The following MOGAT1 variants were observed in gnomAD, a reference collection of about 807,000 sequenced individuals.
The protein encoded by MOGAT1 is 2-acylglycerol O-acyltransferase 1.
In MOGAT1, 32 loss-of-function variants were observed where a neutral mutation model predicts 31.4. That is an observed-to-expected ratio of 1.02 (90% CI 0.77 to 1.37). The LOEUF is 1.37. Ranked by LOEUF, MOGAT1 falls within the 40% of genes most tolerant of loss-of-function variation. The pLI, the probability that MOGAT1 is intolerant of heterozygous loss-of-function variation, is 0.00. For synonymous variants in MOGAT1, 145 were observed against 144.5 expected (o/e 1.00, Z -0.03); for missense variants, 426 against 402.0 (o/e 1.06, Z -0.51).
chr2:222,671,719 C>T lies in MOGAT1; in HGVS notation c.-67C>T. ...GGCCCGGATCCGGCCGGGCACTTCC[C>T]ACAGGCGCCGCAGAGCAGCGTGGGT... is the stretch of plus-strand genomic sequence containing the variant. On this transcript the variant is annotated 5_prime_UTR_variant, in exon 1 of 6. Coordinates refer to ENST00000446656, the MANE Select transcript of MOGAT1 (RefSeq NM_058165.3). The T allele has an allele frequency of 7.2e-7, 1 of 1,389,392 alleles. No homozygotes were observed. The highest frequency in any genetic ancestry group is 1.0e-6 in the Non-Finnish European group (1 of 1,004,740). 86.1% of individuals were successfully genotyped at this position (1,389,392 alleles called of 1,614,324 possible).
At chr2:222,701,141 T>A (rs114056808) in intron 5 of MOGAT1, among the ~76,000 whole-genome samples, 7,828 of 152,138 alleles carry the variant, frequency 0.051, 254 homozygotes, top group African/African-American at 0.088. Flanking sequence ...ACGCCTGTAA[T>A]CCCAGCTAGT....
At chr2:222,689,894 A>C (rs1692732110) in intron 3 of MOGAT1, among the ~76,000 whole-genome samples, 1 of 152,250 alleles carries the variant, frequency 6.6e-6, no homozygotes, top group African/African-American at 2.4e-5. Flanking sequence ...TCTTGAAGTA[A>C]CAGCAGTGAT....
rs1332304647 is a variant in MOGAT1, at chr2:222,695,108, G to A, written c.673G>A (p.Val225Ile). ...TTGCAGCGCCTCTCTGGTCCCAGTG[G>A]TTTCTTTTGGTGAAAATGAACTGTT... ...LTHGASLVPV[V>I]SFGENELFKQ... Residue 225 changes from valine (V) to isoleucine (I), a missense_variant, in exon 5 of 6, where the codon GTT becomes ATT. By Grantham distance (29) the Val-to-Ile change is conservative. Transcript: ENST00000446656. 3 of 1,603,626 alleles carry A rather than the reference G, an allele frequency of 1.9e-6. No homozygotes were observed. Among genetic ancestry groups the A allele is most frequent in the South Asian group, 1.1e-5 (1 of 88,908 alleles).
chr2:222,683,708 C>T (rs1559229220), intron 1 of MOGAT1, among the ~76,000 whole-genome samples: 4 of 151,776 alleles, frequency 2.6e-5, no homozygotes, highest in Non-Finnish European at 5.9e-5. Flanking sequence ...GTCTGGGCAA[C>T]AAAGTGAGAC....
intron 1 of MOGAT1, among the ~76,000 whole-genome samples, chr2:222,688,069 C>CA (rs1278663743): frequency 6.6e-6 from 1 of 152,104 alleles, no homozygotes; most frequent in African/African-American, 2.4e-5. Context: ...CCTCCCCCTT[C>CA]AAAAATAAAG....
At position 222,689,459 on chromosome 2, in the gene MOGAT1, G is replaced by A. The variant is rs758729348; in HGVS notation, c.468G>A (p.Val156=). The A allele has an allele frequency of 4.0e-5, 64 of 1,613,824 alleles. No homozygotes were observed. Among genetic ancestry groups the A allele is most frequent in the Non-Finnish European group, 5.1e-5 (60 of 1,179,812 alleles). The change falls in exon 3 of 6, where the codon GTG becomes GTA. Residue 156 remains valine (V), a synonymous_variant. Transcript: ENST00000446656. The part of the protein sequence containing the change: ...WFWCPVFREY[V]MSVGLVSVSK... ...GGTGTCCTGTCTTTCGAGAATATGT[G>A]ATGAGTGTTGGTAAGTGATGGCAGA... is the stretch of plus-strand genomic sequence containing the variant.
At chr2:222,673,543 A>G (rs1692453712) in intron 1 of MOGAT1, among the ~76,000 whole-genome samples, 2 of 152,038 alleles carry the variant, frequency 1.3e-5, no homozygotes, top group African/African-American at 4.8e-5. Flanking sequence ...CTATTCCTAC[A>G]CTCCTGGTAC....
At chr2:222,687,803 G>C (rs1692695819) in intron 1 of MOGAT1, among the ~76,000 whole-genome samples, 1 of 152,154 alleles carries the variant, frequency 6.6e-6, no homozygotes, top group African/African-American at 2.4e-5. Context: ...ATGGCTGCTT[G>C]GTCAAGGTAG....
chr2:222,677,666 A>G (rs141353783), intron 1 of MOGAT1: 10 of 394,572 alleles, frequency 2.5e-5, no homozygotes, highest in African/African-American at 4.3e-5. Context: ...CTAAAACTCA[A>G]AGGATTCTAG....
At chr2:222,687,963 G>A (rs1692700920) in intron 1 of MOGAT1, among the ~76,000 whole-genome samples, 1 of 152,112 alleles carries the variant, frequency 6.6e-6, no homozygotes, top group Non-Finnish European at 1.5e-5. Flanking sequence ...TATGCTGTGT[G>A]GCTTGGGCAA....
At chr2:222,693,210 A>G (rs950166379) in intron 3 of MOGAT1, among the ~76,000 whole-genome samples, 1 of 152,222 alleles carries the variant, frequency 6.6e-6, no homozygotes, top group African/African-American at 2.4e-5. Context: ...TATTTCTGAA[A>G]TGTAGTTCAA....
intron 3 of MOGAT1, among the ~76,000 whole-genome samples, chr2:222,692,204 G>A (rs1559231498): frequency 6.6e-6 from 1 of 152,216 alleles, no homozygotes; most frequent in East Asian, 1.9e-4. Flanking sequence ...GATGAAGGGA[G>A]AGGTGATAAG....
chr2:222,686,858 A>T (rs1692676742), intron 1 of MOGAT1, among the ~76,000 whole-genome samples: 1 of 152,186 alleles, frequency 6.6e-6, no homozygotes, highest in African/African-American at 2.4e-5. Context: ...GACACCTGTA[A>T]TCCCAACACT....
Position 222,689,294 on chromosome 2 carries a change from T to A in MOGAT1, c.303T>A (p.Ser101Arg), listed in dbSNP as rs772576799. 1.2e-6 allele frequency: 2 copies of A among 1,613,882 alleles called. No individual in the cohort carries two copies. The highest frequency in any genetic ancestry group is 8.5e-7 in the Non-Finnish European group (1 of 1,179,806). Residue 101 changes from serine (S) to arginine (R), a missense_variant, in exon 3 of 6, where the codon AGT (serine) becomes AGA (arginine). By Grantham distance (110) the Ser-to-Arg change is moderately radical. Transcript: ENST00000446656. ...HLIKTQDLDP[S>R]HNYIFGFHPH... ...TCAAAACTCAAGATTTGGATCCAAG[T>A]CACAACTATATATTTGGGTTTCACC... is the stretch of plus-strand genomic sequence containing the variant.
intron 1 of MOGAT1, among the ~76,000 whole-genome samples, chr2:222,672,611 G>T (rs1312027081): frequency 6.6e-6 from 1 of 152,098 alleles, no homozygotes; most frequent in African/African-American, 2.4e-5. Flanking sequence ...GTAAATAGGG[G>T]TGATGTGGGA....
chr2:222,694,329 G>C, intron 3 of MOGAT1, 33 bp from the exon 4 acceptor site: 2 of 1,538,892 alleles, frequency 1.3e-6, no homozygotes, highest in South Asian at 2.4e-5. Flanking sequence ...GTTAGAAAAG[G>C]ATAACTAGTT....
At position 222,694,985 on chromosome 2, in the gene MOGAT1, A is replaced by G. The variant is rs1425253061; in HGVS notation, c.654-104A>G. On this transcript the variant is annotated intron_variant, in intron 4 of 5. Coordinates refer to ENST00000446656, the MANE Select transcript of MOGAT1 (RefSeq NM_058165.3). ...TAGCAATATAGGAAGGCTTGGGCAC[A>G]TTTAAAAAATTTTTCAGAAGTTGTT... 8 of 824,218 alleles carry G rather than the reference A, an allele frequency of 9.7e-6. No homozygotes were observed. The East Asian group carries it at 2.3e-4, about 24-fold the overall frequency. 51.1% of individuals were successfully genotyped at this position (824,218 alleles called of 1,614,324 possible). A position where few individuals can be genotyped will look rare whatever the true frequency, so the allele number is the denominator to read the frequency against.
chr2:222,698,521 A>T (rs1441201697), intron 5 of MOGAT1: 1 of 152,202 alleles, frequency 6.6e-6, no homozygotes, highest in Non-Finnish European at 1.5e-5. Context: ...AGTCAGAGAG[A>T]TAGTCTTTCC....
At chr2:222,688,569 G>A (rs371932349) in intron 2 of MOGAT1, 47 bp downstream of exon 2, 56 of 1,395,034 alleles carry the variant, frequency 4.0e-5, no homozygotes, top group Non-Finnish European at 5.0e-5. Flanking sequence ...TAGGAGAAGA[G>A]TGGAAATTTG....
Sources: gnomAD v4.1 joint callset for allele counts (sites outside exome capture counted in the v4.1 genomes callset) on GRCh38, gnomAD v4.1.1 for gene constraint, MANE v1.5 for transcripts, NCBI Gene and HGNC (gene_info 2026-07-23, HGNC 2026-07-21) for gene names.